The following ZFC3H1 variants were observed in gnomAD, a reference collection of about 807,000 sequenced individuals.
The protein encoded by ZFC3H1 is zinc finger C3H1 domain-containing protein.
Under a neutral mutation model 243.7 loss-of-function variants are expected in ZFC3H1, and 71 were observed. That is an observed-to-expected ratio of 0.29 (90% CI 0.24 to 0.36). The LOEUF (loss-of-function observed/expected upper bound fraction) is 0.36. Among genes scored for constraint, ZFC3H1 ranks in the 10% least tolerant of loss-of-function variants. The pLI is 1.00. For missense variants in ZFC3H1, 1,966 were observed against 2,317.1 expected (o/e 0.85, Z 3.11); for synonymous variants, 838 against 813.0 (o/e 1.03, Z -0.52).
chr12:71,653,226 T>C (rs1465741643), intron 2 of ZFC3H1, among the ~76,000 whole-genome samples: 2 of 151,934 alleles, frequency 1.3e-5, no homozygotes, highest in African/African-American at 2.4e-5. Flanking sequence ...AAAAATGAAA[T>C]AGTAAAACAA....
At chr12:71,662,500 C>A (rs1431374299) in intron 1 of ZFC3H1, among the ~76,000 whole-genome samples, 1 of 140,710 alleles carries the variant, frequency 7.1e-6, no homozygotes, top group African/African-American at 2.6e-5. Flanking sequence ...TTACCCCTCC[C>A]CCCCCCACTT....
chr12:71,642,692 CT>C, intron 5 of ZFC3H1, 133 bp from the exon 6 acceptor site: 2 of 1,025,282 alleles, frequency 2.0e-6, no homozygotes, highest in Non-Finnish European at 2.8e-6. Context: ...CCTATCACAT[CT>C]TTGGGAAATT....
chr12:71,645,952 C>G (rs563524954), intron 3 of ZFC3H1, among the ~76,000 whole-genome samples: 1 of 152,254 alleles, frequency 6.6e-6, no homozygotes, highest in Non-Finnish European at 1.5e-5. Context: ...AAACACAAAC[C>G]CTCTTTTTTC....
Position 71,630,213 on chromosome 12 carries a change from ATAAG to A in ZFC3H1, c.3724+383_3724+386del, listed in dbSNP as rs1169137403. On this transcript the variant is annotated intron_variant, in intron 18 of 34. Transcript: ENST00000378743. ...AGCCTTCCTCTATTTTTTGAAAACA[ATAAG>A]TAAAAATAGGCTCCTATGTTAAAAT... Among the ~76,000 whole-genome samples, 11 of 152,306 alleles carry A rather than the reference ATAAG, an allele frequency of 7.2e-5. No homozygotes were observed. In the East Asian group the frequency reaches 2.1e-3, roughly 29 times the overall value.
rs1173578691 is a variant in ZFC3H1 at position 71,629,015 on chromosome 12, T to G, written c.3849A>C (p.Lys1283Asn). 1.9e-6 allele frequency: 3 copies of G among 1,612,080 alleles called. No individual in the cohort carries two copies. The highest frequency in any genetic ancestry group is 2.5e-6 in the Non-Finnish European group (3 of 1,179,438). ...KGHTPPFTTY[K>N]DKRKWKPKFW... The stretch of plus-strand genomic sequence containing the variant: ...ACTTTGGCTTCCACTTTCTTTTATC[T>G]TTGTAGGTTGTAAATGGAGGAGCTA... The change falls in exon 20 of 35, where the codon AAA becomes AAC. Residue 1283 changes from lysine (K) to asparagine (N), a missense_variant. Transcript: ENST00000378743.
chr12:71,620,420 C>A (rs1406039835), intron 24 of ZFC3H1, 105 bp from the exon 25 acceptor site: 1 of 1,097,018 alleles, frequency 9.1e-7, no homozygotes, highest in African/African-American at 1.5e-5. Context: ...GATGACCCCT[C>A]CCTTTGATTA....
intron 31 of ZFC3H1, among the ~76,000 whole-genome samples, chr12:71,612,462 G>A (rs565623247): frequency 5.9e-5 from 9 of 152,158 alleles, no homozygotes; most frequent in South Asian, 2.1e-4. Flanking sequence ...TCTATTTCAC[G>A]TTTTATCAAA....
intron 18 of ZFC3H1, 93 bp downstream of exon 18, chr12:71,630,507 G>A: frequency 3.5e-6 from 5 of 1,444,418 alleles, no homozygotes; most frequent in Non-Finnish European, 4.7e-6. Flanking sequence ...CTGAATTATA[G>A]TAAGTATTTT....
intron 4 of ZFC3H1, 64 bp from the exon 5 acceptor site, chr12:71,644,382 A>T (rs1172343424): frequency 6.6e-7 from 1 of 1,509,206 alleles, no homozygotes; most frequent in Non-Finnish European, 8.9e-7. Context: ...TAAGAGTCTT[A>T]AAAAATATTT....
intron 2 of ZFC3H1, among the ~76,000 whole-genome samples, chr12:71,654,850 C>T (rs112315212): frequency 0.018 from 2,762 of 152,142 alleles, 71 homozygotes; most frequent in African/African-American, 0.062. Flanking sequence ...TACAGAAAGA[C>T]TGAAAGAGTG....
intron 31 of ZFC3H1, 60 bp downstream of exon 31, chr12:71,613,275 C>A: frequency 6.5e-6 from 8 of 1,226,268 alleles, no homozygotes; most frequent in Non-Finnish European, 9.1e-6. Context: ...CAAGAATAAT[C>A]TTATATAAAG....
rs2137535990 is a variant in ZFC3H1, at chr12:71,633,000, C to T, written c.2703G>A (p.Gln901=). 6.2e-7 allele frequency: 1 copy of T among 1,603,170 alleles called. No homozygotes were observed. Among genetic ancestry groups the T allele is most frequent in the African/African-American group, 1.3e-5 (1 of 74,136 alleles). ...TCAAAGCTTTCTTAATTGTAACACG[C>T]TGTTGAACTCTGTGAATCTGAAAAA... ...KLQEQIHRVQ[Q]RVTIKKALTL... The change falls in exon 14 of 35, where the codon CAG becomes CAA. Residue 901 remains glutamine, a synonymous_variant. Coordinates refer to ENST00000378743, the MANE Select transcript of ZFC3H1 (RefSeq NM_144982.5).
chr12:71,655,663 A>G (rs1289657709), intron 2 of ZFC3H1, among the ~76,000 whole-genome samples: 1 of 152,190 alleles, frequency 6.6e-6, no homozygotes. Flanking sequence ...ACTTTCTCAG[A>G]AAAAAACTCC....
chr12:71,641,394 T>G (rs952695136), intron 6 of ZFC3H1, among the ~76,000 whole-genome samples: 1 of 152,226 alleles, frequency 6.6e-6, no homozygotes, highest in Non-Finnish European at 1.5e-5. Flanking sequence ...AAAGTAGGAT[T>G]CCAGTTTTGA....
intron 1 of ZFC3H1, among the ~76,000 whole-genome samples, chr12:71,658,953 A>T (rs950915988): frequency 2.6e-5 from 4 of 151,392 alleles, no homozygotes; most frequent in East Asian, 3.9e-4. Flanking sequence ...TTCAAACTTT[A>T]TTTTTTTTTA....
chr12:71,629,930 T>C (rs1315020468), intron 18 of ZFC3H1, among the ~76,000 whole-genome samples: 2 of 150,324 alleles, frequency 1.3e-5, no homozygotes, highest in East Asian at 1.9e-4. Context: ...AAAAAAAAAG[T>C]AGTTCCTAAA....
chr12:71,645,157 T>C, intron 3 of ZFC3H1, 82 bp from the exon 4 acceptor site: 1 of 1,363,554 alleles, frequency 7.3e-7, no homozygotes, highest in Non-Finnish European at 9.7e-7. Context: ...TCCTTTATGA[T>C]AAAAATTTGA....
intron 16 of ZFC3H1, 54 bp downstream of exon 16, chr12:71,631,724 T>TA: frequency 6.9e-7 from 1 of 1,450,216 alleles, no homozygotes; most frequent in Non-Finnish European, 9.4e-7. Context: ...GATAAAATAT[T>TA]AAAAACCAAA....
At position 71,619,342 on chromosome 12, in the gene ZFC3H1, T is replaced by C; in HGVS notation, c.5117A>G (p.Glu1706Gly). ...FIASFFKPGFEKYNNLDLFRY... is the reference protein window; with the variant it reads ...FIASFFKPGFGKYNNLDLFRY... ...AAACAGATCCAAGTTATTATACTTC[T>C]CAAACCCCGGTTTAAAGAAGGATGC... The change falls in exon 27 of 35, where the codon GAG becomes GGG. Residue 1706 changes from glutamate to glycine, a missense_variant. Glu to Gly is a moderately conservative substitution (Grantham distance 98). This residue lies in a region of ZFC3H1 where 1,383 missense variants were observed against 1,723.7 expected (regional missense o/e 0.80). Transcript: ENST00000378743. 1 of 1,613,726 alleles carries C rather than the reference T, an allele frequency of 6.2e-7. No homozygotes were observed. The highest frequency in any genetic ancestry group is 8.5e-7 in the Non-Finnish European group (1 of 1,179,822).
Sources: gnomAD v4.1 joint callset for allele counts (sites outside exome capture counted in the v4.1 genomes callset) on GRCh38, gnomAD v4.1.1 for gene constraint, gnomAD v4.1.1 regional missense constraint, MANE v1.5 for transcripts, NCBI Gene and HGNC (gene_info 2026-07-23, HGNC 2026-07-21) for gene names.